EHHADH: variants seen among roughly 807,000 people sequenced by gnomAD.
EHHADH encodes peroxisomal bifunctional enzyme.
In EHHADH, 48 loss-of-function variants were observed where a neutral mutation model predicts 64.4. The observed-to-expected ratio is 0.75, with a 90% CI of 0.59 to 0.95. The LOEUF is 0.95. Among genes scored for constraint, EHHADH ranks in the 40% least tolerant of loss-of-function variants. The pLI is 0.00. For synonymous variants in EHHADH, 308 were observed against 326.7 expected, an observed-to-expected ratio of 0.94 and a Z score of 0.62; for missense variants, 854 against 876.6, an observed-to-expected ratio of 0.97 and a Z score of 0.33.
chr3:185,220,551 A>C (rs1259635181), intron 4 of EHHADH, among the ~76,000 whole-genome samples: 1 of 152,228 alleles, frequency 6.6e-6, no homozygotes, highest in Non-Finnish European at 1.5e-5. Flanking sequence ...CATAACAACA[A>C]ACTCGCCTAA....
At chr3:185,208,732 T>C (rs1236189611) in intron 5 of EHHADH, among the ~76,000 whole-genome samples, 6 of 152,210 alleles carry the variant, frequency 3.9e-5, no homozygotes, top group Admixed American at 1.3e-4. Flanking sequence ...CAAATATTCA[T>C]GGCAGCATTA....
chr3:185,210,004 C>A (rs1718495833), intron 5 of EHHADH, among the ~76,000 whole-genome samples: 1 of 152,150 alleles, frequency 6.6e-6, no homozygotes, highest in Non-Finnish European at 1.5e-5. Flanking sequence ...CCAGGGTCTA[C>A]AGATGATTTA....
chr3:185,203,859 G>A (rs758500656), intron 6 of EHHADH, among the ~76,000 whole-genome samples: 8 of 152,030 alleles, frequency 5.3e-5, no homozygotes, highest in Non-Finnish European at 7.4e-5. Flanking sequence ...AAAATGCTAG[G>A]CCAGGAATGG....
intron 6 of EHHADH, among the ~76,000 whole-genome samples, chr3:185,199,393 T>C (rs758114873): frequency 3.9e-5 from 6 of 152,174 alleles, no homozygotes; most frequent in African/African-American, 1.2e-4. Flanking sequence ...ATGGTGGTGA[T>C]TGGGGGAAAT....
intron 2 of EHHADH, among the ~76,000 whole-genome samples, chr3:185,245,250 A>G (rs1384061561): frequency 6.6e-6 from 1 of 152,220 alleles, no homozygotes; most frequent in African/African-American, 2.4e-5. Flanking sequence ...ACCCCATATC[A>G]TGTTTCTCTG....
At chr3:185,234,686 G>A (rs1719239402) in intron 3 of EHHADH, among the ~76,000 whole-genome samples, 1 of 150,348 alleles carries the variant, frequency 6.7e-6, no homozygotes, top group Non-Finnish European at 1.5e-5. Context: ...AAGGTTAAGG[G>A]AAACAAGGAG....
chr3:185,240,725 C>T lies in EHHADH; in HGVS notation c.179-5263G>A, dbSNP rs58556041. ...TTTTCAAAGAACCAACTTTTCATCT[C>T]ATTTATCCTTTGTATCTTCTTATAC... On this transcript the variant is annotated intron_variant, in intron 2 of 6. Coordinates refer to ENST00000231887, the MANE Select transcript of EHHADH (RefSeq NM_001966.4). Among the ~76,000 whole-genome samples the T allele has an allele frequency of 6.8e-3, 1,038 of 152,130 alleles. 17 individuals are homozygous for T. Among genetic ancestry groups the T allele is most frequent in the African/African-American group, 0.024 (978 of 41,528 alleles).
chr3:185,198,316 T>C (rs1718127455), intron 6 of EHHADH, among the ~76,000 whole-genome samples: 1 of 152,052 alleles, frequency 6.6e-6, no homozygotes, highest in Admixed American at 6.5e-5. Flanking sequence ...CCTCCCGAGT[T>C]CAAGCGATTC....
At chr3:185,204,132 CAAAAAAAAAAAA>C (rs1220063126) in intron 6 of EHHADH, among the ~76,000 whole-genome samples, 15 of 30,520 alleles carry the variant, frequency 4.9e-4, no homozygotes, top group Admixed American at 4.1e-3. Flanking sequence ...GACTCTGTCT[CAAAAAAAAAAAA>C]AAAAAAAAAA....
rs765877679 is a variant in EHHADH at position 185,192,864 on chromosome 3, A to G, written c.1534T>C (p.Phe512Leu). 4 of 1,613,736 alleles carry G rather than the reference A, an allele frequency of 2.5e-6. No individual in the cohort carries two copies. Among genetic ancestry groups the G allele is most frequent in the East Asian group, 4.5e-5 (2 of 44,862 alleles). ...CTAAAAGGTCCCATTTTAAAACCAAACTCTTCCAGCACCTGATCTACCTCC... is the reference window on the plus strand; with the variant it reads ...CTAAAAGGTCCCATTTTAAAACCAAGCTCTTCCAGCACCTGATCTACCTCC... ...PEEVDQVLEE[F>L]GFKMGPFRVS... Residue 512 changes from phenylalanine (F) to leucine (L), a missense_variant, in exon 7 of 7, where the codon TTT becomes CTT. Coordinates refer to ENST00000231887, the MANE Select transcript of EHHADH (RefSeq NM_001966.4).
At chr3:185,245,908 C>T in intron 2 of EHHADH, 1 of 1,245,144 alleles carries the variant, frequency 8.0e-7, no homozygotes, top group Non-Finnish European at 1.2e-6. Flanking sequence ...ACACACAATT[C>T]AGCAGCTCCT....
intron 1 of EHHADH, among the ~76,000 whole-genome samples, chr3:185,252,218 GGTGAAACCCC>G (rs1553780790): frequency 2.0e-5 from 3 of 152,066 alleles, no homozygotes; most frequent in Non-Finnish European, 4.4e-5. Context: ...TGGCCAACAT[GGTGAAACCCC>G]GTCTCTACTA....
chr3:185,192,563 C>A lies in EHHADH; in HGVS notation c.1835G>T (p.Arg612Leu), dbSNP rs766546235. ...RYRKTHHIEPRTISQDEILER... is the reference protein window; with the variant it reads ...RYRKTHHIEPLTISQDEILER... Reference sequence around the variant, plus strand: ...AAGGATCTCATCCTGGCTAATGGTACGTGGTTCAATGTGATGGGTTTTTCT... The same window carrying A: ...AAGGATCTCATCCTGGCTAATGGTAAGTGGTTCAATGTGATGGGTTTTTCT... The change falls in exon 7 of 7, where the codon CGT becomes CTT. Residue 612 changes from arginine (R) to leucine (L), a missense_variant. Coordinates refer to ENST00000231887, the MANE Select transcript of EHHADH (RefSeq NM_001966.4). 3 of 1,613,982 alleles carry A rather than the reference C, an allele frequency of 1.9e-6. No individual in the cohort carries two copies. Among genetic ancestry groups the A allele is most frequent in the African/African-American group, 2.7e-5 (2 of 74,882 alleles).
intron 2 of EHHADH, among the ~76,000 whole-genome samples, chr3:185,244,900 G>C (rs1577377100): frequency 6.6e-6 from 1 of 152,260 alleles, no homozygotes; most frequent in East Asian, 1.9e-4. Context: ...ATTTGTTATG[G>C]TGCTCTAAGA....
rs564605465 is a variant in EHHADH at position 185,217,017 on chromosome 3, C to A, written c.568+1119G>T. ...TGAGAGAAGGACATAACTCAGTTTG[C>A]GGAGACAGAAGTTCTCAAGGCCCAC... On this transcript the variant is annotated intron_variant, in intron 5 of 6. Coordinates refer to ENST00000231887, the MANE Select transcript of EHHADH (RefSeq NM_001966.4). 2.2e-4 allele frequency among the ~76,000 whole-genome samples: 12 copies of A among 54,548 alleles called. No individual in the cohort carries two copies. In the South Asian group the frequency reaches 5.4e-3, roughly 24 times the overall value. The allele number at this position is 54,548 out of a possible 152,430, so 35.8% of individuals were successfully genotyped here. A position where few individuals can be genotyped will look rare whatever the true frequency, so the allele number is the denominator to read the frequency against.
At chr3:185,230,003 T>C (rs1719109378) in intron 3 of EHHADH, among the ~76,000 whole-genome samples, 1 of 152,202 alleles carries the variant, frequency 6.6e-6, no homozygotes. Flanking sequence ...CTGTTAAAAA[T>C]GGGCAAACGA....
intron 6 of EHHADH, among the ~76,000 whole-genome samples, chr3:185,203,214 A>G (rs887066300): frequency 7.2e-5 from 11 of 152,160 alleles, no homozygotes; most frequent in Non-Finnish European, 1.5e-4. Context: ...TAGGAAATAC[A>G]CATAAGTCTG....
At chr3:185,217,063 T>C (rs1351108978) in intron 5 of EHHADH, among the ~76,000 whole-genome samples, 1 of 152,134 alleles carries the variant, frequency 6.6e-6, no homozygotes, top group Non-Finnish European at 1.5e-5. Flanking sequence ...CGGTAAATTA[T>C]AGAGCCTGTG....
In EHHADH at chr3:185,204,506, C is replaced by T. The variant is rs2302819; in HGVS notation, c.820G>A (p.Ala274Thr). The T allele has an allele frequency of 0.032, 51,669 of 1,614,030 alleles. 1,668 individuals carry two copies. The highest frequency in any genetic ancestry group is 0.14 in the East Asian group (6,067 of 44,862). The change falls in exon 6 of 7, where the codon GCT becomes ACT. Residue 274 changes from alanine to threonine, a missense_variant. Transcript: ENST00000231887. Reference protein sequence around the residue: ...QARALQYAFFAERKANKWSTP... With the variant: ...QARALQYAFFTERKANKWSTP... ...GACCACTTATTTGCTTTCCTTTCAGCGAAGAAAGCATATTGCAGGGCTCTA... is the reference window on the plus strand; with the variant it reads ...GACCACTTATTTGCTTTCCTTTCAGTGAAGAAAGCATATTGCAGGGCTCTA...
Sources: gnomAD v4.1 joint callset for allele counts (sites outside exome capture counted in the v4.1 genomes callset) on GRCh38, gnomAD v4.1.1 for gene constraint, MANE v1.5 for transcripts, NCBI Gene and HGNC (gene_info 2026-07-23, HGNC 2026-07-21) for gene names.